OTUD7A: variants seen among roughly 807,000 people sequenced by gnomAD.
OTUD7A encodes OTU domain-containing protein 7A.
OTUD7A carries 12 observed loss-of-function variants against 65.7 expected under a neutral mutation model. That is an observed-to-expected ratio of 0.18 (90% CI 0.12 to 0.30). OTUD7A has a LOEUF of 0.30. Among genes scored for constraint, OTUD7A ranks in the 10% least tolerant of loss-of-function variants. The pLI is 1.00. For synonymous variants in OTUD7A, 641 were observed against 586.3 expected (o/e 1.09, Z -1.35); for missense variants, 1,148 against 1,304.8 (o/e 0.88, Z 1.85).
intron 4 of OTUD7A, among the ~76,000 whole-genome samples, chr15:31,561,445 AC>A (rs1888686135): frequency 6.6e-6 from 1 of 152,202 alleles, no homozygotes; most frequent in African/African-American, 2.4e-5. Flanking sequence ...TGCTATGTGC[AC>A]CTGCAATCGG....
At position 31,854,288 on chromosome 15, in the gene OTUD7A, T is replaced by C. The variant is rs114675748; in HGVS notation, c.-100+16219A>G. Among the ~76,000 whole-genome samples, 1,068 of 152,308 alleles carry C rather than the reference T, an allele frequency of 7.0e-3. 15 individuals carry two copies. Among genetic ancestry groups the C allele is most frequent in the African/African-American group, 0.025 (1,028 of 41,566 alleles). Reference sequence around the variant, plus strand: ...CTCCTATGCTTCCCTTGTGATGACCTGGGGCCCACCTGGGTCGTCCAGGAT... The same window carrying C: ...CTCCTATGCTTCCCTTGTGATGACCCGGGGCCCACCTGGGTCGTCCAGGAT... On this transcript the variant is annotated intron_variant, in intron 1 of 12. Transcript: ENST00000307050.
intron 1 of OTUD7A, among the ~76,000 whole-genome samples, chr15:31,733,546 C>T (rs939113075): frequency 9.2e-5 from 14 of 152,224 alleles, no homozygotes; most frequent in African/African-American, 3.4e-4. Flanking sequence ...GCTGCCCAGA[C>T]CAGGTCAGCC....
intron 1 of OTUD7A, among the ~76,000 whole-genome samples, chr15:31,806,681 T>C (rs1237056800): frequency 6.6e-6 from 1 of 152,190 alleles, no homozygotes; most frequent in Non-Finnish European, 1.5e-5. Context: ...AAGTCTCTTG[T>C]CCCAGGATTA....
At position 31,484,180 on chromosome 15, in the gene OTUD7A, T is replaced by A. The variant is rs1198174843; in HGVS notation, c.1916A>T (p.Glu639Val). ...LNILRAAMQG[E>V]RKFIFAGLLL... ...CAGGCCGGCGAAGATGAACTTGCGC[T>A]CCCCCTGCATGGCGGCGCGCAGGAT... Residue 639 changes from glutamate (E) to valine (V), a missense_variant, in exon 13 of 13, where the codon GAG becomes GTG. Transcript: ENST00000307050. This position sits in a 1 kb window ranked among gnomAD's most constrained non-coding sequence, Gnocchi z 4.5. 6.2e-7 allele frequency: 1 copy of A among 1,609,740 alleles called. No homozygotes were observed. The highest frequency in any genetic ancestry group is 8.5e-7 in the Non-Finnish European group (1 of 1,179,382).
chr15:31,683,226 C>T (rs543494067), intron 1 of OTUD7A, among the ~76,000 whole-genome samples: 3 of 152,028 alleles, frequency 2.0e-5, no homozygotes, highest in Non-Finnish European at 4.4e-5. Context: ...ATAGAATAAA[C>T]AATTTTCCAA....
chr15:31,505,644 A>G (rs2041549651), intron 8 of OTUD7A, among the ~76,000 whole-genome samples: 1 of 152,170 alleles, frequency 6.6e-6, no homozygotes. Context: ...TTAACTTTGT[A>G]AGAGTGGTAG....
chr15:31,860,909 C>T (rs1325160886), intron 1 of OTUD7A, among the ~76,000 whole-genome samples: 2 of 132,596 alleles, frequency 1.5e-5, no homozygotes, highest in Non-Finnish European at 3.2e-5. Flanking sequence ...TTAGTAGAGA[C>T]GGGGTTTCAC....
intron 3 of OTUD7A, among the ~76,000 whole-genome samples, chr15:31,611,043 T>C (rs1890404156): frequency 6.6e-6 from 1 of 152,064 alleles, no homozygotes; most frequent in African/African-American, 2.4e-5. Flanking sequence ...AGTAACCTAT[T>C]CCTGAATGAT....
chr15:31,640,710 A>G (rs199855016), intron 3 of OTUD7A, among the ~76,000 whole-genome samples: 1 of 151,918 alleles, frequency 6.6e-6, no homozygotes, highest in East Asian at 1.9e-4. Flanking sequence ...TCTACATTAA[A>G]AAAACTACTT....
chr15:31,798,764 C>T (rs947514419), intron 1 of OTUD7A, among the ~76,000 whole-genome samples: 1 of 152,248 alleles, frequency 6.6e-6, no homozygotes, highest in Non-Finnish European at 1.5e-5. Context: ...TGGTTCCCAG[C>T]CCCCACGGCC....
intron 3 of OTUD7A, among the ~76,000 whole-genome samples, chr15:31,652,373 G>GA (rs1200266813): frequency 6.6e-6 from 1 of 152,294 alleles, no homozygotes; most frequent in East Asian, 1.9e-4. Context: ...TGTAAAACAT[G>GA]AAAGTATAAA....
chr15:31,727,577 T>C (rs1595730520), intron 1 of OTUD7A, among the ~76,000 whole-genome samples: 1 of 152,222 alleles, frequency 6.6e-6, no homozygotes, highest in South Asian at 2.1e-4. Context: ...ACTGAGTCTT[T>C]TGATCTAGAA....
intron 1 of OTUD7A, among the ~76,000 whole-genome samples, chr15:31,687,516 C>T (rs1157223930): frequency 6.6e-6 from 1 of 152,222 alleles, no homozygotes; most frequent in Non-Finnish European, 1.5e-5. Context: ...TACCCTCTAC[C>T]ATATGCCTCC....
intron 5 of OTUD7A, among the ~76,000 whole-genome samples, chr15:31,538,479 A>G (rs1205741839): frequency 3.9e-5 from 6 of 152,080 alleles, no homozygotes; most frequent in Non-Finnish European, 8.8e-5. Context: ...TTCCCATTTT[A>G]CAGAGAAGGA....
Position 31,586,964 on chromosome 15 carries a change from G to C in OTUD7A, c.152-16767C>G, listed in dbSNP as rs576762370. 2.0e-5 allele frequency among the ~76,000 whole-genome samples: 3 copies of C among 152,194 alleles called. No homozygotes were observed. In the South Asian group the frequency reaches 6.2e-4, roughly 32 times the overall value. On this transcript the variant is annotated intron_variant, in intron 3 of 12. Transcript: ENST00000307050. ...ACATTGCCCGCCAGGGCTGCTCGCT[G>C]TGAGTGCCATCTAAATACTGATGAC...
chr15:31,666,290 C>T (rs1892318511), intron 1 of OTUD7A, among the ~76,000 whole-genome samples: 1 of 152,074 alleles, frequency 6.6e-6, no homozygotes, highest in Non-Finnish European at 1.5e-5. Flanking sequence ...AGATTTCAAT[C>T]ACACTGCTTG....
In OTUD7A at chr15:31,835,968, A is replaced by G. The variant is rs375319725; in HGVS notation, c.-100+34539T>C. 5.1e-4 allele frequency among the ~76,000 whole-genome samples: 77 copies of G among 151,258 alleles called. No individual in the cohort carries two copies. The East Asian group carries it at 0.012, about 23-fold the overall frequency. On this transcript the variant is annotated intron_variant, in intron 1 of 12. Transcript: ENST00000307050. ...AAATCTGAAATCCAAAATACCCCCA[A>G]TGAGCATTTCCTTTGAGTATCATGT...
intron 1 of OTUD7A, among the ~76,000 whole-genome samples, chr15:31,728,260 C>A (rs539737843): frequency 6.6e-6 from 1 of 152,200 alleles, no homozygotes; most frequent in Non-Finnish European, 1.5e-5. Flanking sequence ...TCAGTAATTT[C>A]ATGGCAGGAT....
chr15:31,866,013 G>A (rs1897866280), intron 1 of OTUD7A, among the ~76,000 whole-genome samples: 1 of 152,202 alleles, frequency 6.6e-6, no homozygotes, highest in South Asian at 2.1e-4. Context: ...TTCCTTGGAA[G>A]GAGAAACGCA....
Sources: allele counts gnomAD v4.1 joint callset (sites outside exome capture counted in the v4.1 genomes callset), GRCh38; gene constraint gnomAD v4.1.1; non-coding constraint Gnocchi (gnomAD v3.1); transcripts MANE v1.5; gene names NCBI Gene and HGNC (gene_info 2026-07-23, HGNC 2026-07-21).